SLC24A1: variants seen among roughly 807,000 people sequenced by gnomAD.
SLC24A1 encodes solute carrier family 24 member 1, also known as sodium/potassium/calcium exchanger 1.
A neutral mutation model predicts 88.1 loss-of-function variants in SLC24A1; 52 were observed. That is an observed-to-expected ratio of 0.59 (90% CI 0.47 to 0.74). The LOEUF is 0.74. Ranked by LOEUF, SLC24A1 falls within the 30% of genes least tolerant of loss-of-function variation. The pLI is 0.00. For missense variants in SLC24A1, 1,173 were observed against 1,363.3 expected, an observed-to-expected ratio of 0.86 and a Z score of 2.20; for synonymous variants, 455 against 498.0, an observed-to-expected ratio of 0.91 and a Z score of 1.15.
chr15:65,625,154 A>C lies in SLC24A1; in HGVS notation c.1074A>C (p.Lys358Asn). ...PSPRTSVSAI[K>N]TAPAIVWRLA... is the part of the protein sequence containing the mutation. Reference sequence around the variant, plus strand: ...CCAGGACCAGTGTATCAGCCATCAAAACAGCCCCAGCCATAGTCTGGAGGC... The same window carrying C: ...CCAGGACCAGTGTATCAGCCATCAACACAGCCCCAGCCATAGTCTGGAGGC... Residue 358 changes from lysine to asparagine, a missense_variant, in exon 2 of 10, where the codon AAA (lysine) becomes AAC (asparagine). Physicochemically the swap from Lys to Asn is moderately conservative, Grantham distance 94. Transcript: ENST00000261892. 6.2e-7 allele frequency: 1 copy of C among 1,613,792 alleles called. No homozygotes were observed. Among genetic ancestry groups the C allele is most frequent in the Non-Finnish European group, 8.5e-7 (1 of 1,179,878 alleles).
intron 6 of SLC24A1, among the ~76,000 whole-genome samples, chr15:65,649,420 G>T (rs1352481158): frequency 6.6e-6 from 1 of 152,138 alleles, no homozygotes; most frequent in Non-Finnish European, 1.5e-5. Context: ...TTTCTAATAA[G>T]CTCCTCAGGC....
intron 7 of SLC24A1, 59 bp downstream of exon 7, chr15:65,651,001 C>A: frequency 6.9e-7 from 1 of 1,440,032 alleles, no homozygotes; most frequent in South Asian, 1.1e-5. Flanking sequence ...TGGGGTCTCT[C>A]GGCATGCGGG....
intron 2 of SLC24A1, among the ~76,000 whole-genome samples, chr15:65,636,709 C>T (rs756267285): frequency 2.2e-4 from 33 of 151,998 alleles, no homozygotes; most frequent in Admixed American, 6.6e-4. Context: ...AACCCCATCT[C>T]TACTAAAAAT....
chr15:65,630,116 A>G (rs1202532699), intron 2 of SLC24A1, among the ~76,000 whole-genome samples: 13 of 152,048 alleles, frequency 8.5e-5, no homozygotes, highest in African/African-American at 3.1e-4. Context: ...TGTGCATGCC[A>G]CCACACCCAG....
Position 65,647,182 on chromosome 15 carries a change from AAGAG to A in SLC24A1, c.2232+1485_2232+1488del, listed in dbSNP as rs375652751. Among the ~76,000 whole-genome samples, 163 of 152,268 alleles carry A rather than the reference AAGAG, an allele frequency of 1.1e-3. 1 individual carries two copies. Among genetic ancestry groups the A allele is most frequent in the African/African-American group, 3.6e-3 (151 of 41,534 alleles). ...ATCAGTGACTGGTTTCCAGTCTTAA[AAGAG>A]AGAGAATCGGGCCGGGTGTTGTGGC... is the stretch of plus-strand genomic sequence containing the variant. On this transcript the variant is annotated intron_variant, in intron 6 of 9. Transcript: ENST00000261892.
rs886051360 is a variant in SLC24A1 at position 65,656,162 on chromosome 15, C to T, written c.*2083C>T. On this transcript the variant is annotated 3_prime_UTR_variant, in exon 10 of 10. Coordinates refer to ENST00000261892, the MANE Select transcript of SLC24A1 (RefSeq NM_004727.3). ...CCACAGCCTGGGATCTGACGTTCTT[C>T]CTCAGACTGGAGTAAGGAGTGATGG... The T allele has an allele frequency of 1.3e-4, 127 of 985,270 alleles. No individual in the cohort carries two copies. The highest frequency in any genetic ancestry group is 1.8e-4 in the Admixed American group (3 of 16,266). 61.0% of individuals were successfully genotyped at this position (985,270 alleles called of 1,614,324 possible).
chr15:65,620,447 A>C (rs1368982097), upstream of SLC24A1, among the ~76,000 whole-genome samples: 1 of 152,230 alleles, frequency 6.6e-6, no homozygotes, highest in Non-Finnish European at 1.5e-5. Flanking sequence ...TGTCATTATC[A>C]TCCTCATTTT....
chr15:65,642,661 C>A (rs1031237266), intron 4 of SLC24A1, among the ~76,000 whole-genome samples: 2 of 152,202 alleles, frequency 1.3e-5, no homozygotes, highest in African/African-American at 2.4e-5. Context: ...GTTGGCCCCC[C>A]ACCTCTCAGT....
intron 6 of SLC24A1, among the ~76,000 whole-genome samples, chr15:65,648,409 A>G (rs1473686175): frequency 6.6e-6 from 1 of 152,182 alleles, no homozygotes; most frequent in Non-Finnish European, 1.5e-5. Context: ...TGCTCAAGGG[A>G]TGGACCAGCA....
Position 65,655,603 on chromosome 15 carries a change from G to A in SLC24A1, c.*1524G>A. ...TATCACTGGCTTCAGAGCAAAATGA[G>A]CTCGGGTGACTGCAGATTATGATGG... On this transcript the variant is annotated 3_prime_UTR_variant, in exon 10 of 10. Coordinates refer to ENST00000261892, the MANE Select transcript of SLC24A1 (RefSeq NM_004727.3). 1.0e-6 allele frequency: 1 copy of A among 985,344 alleles called. No homozygotes were observed. The highest frequency in any genetic ancestry group is 1.2e-6 in the Non-Finnish European group (1 of 829,904). 61.0% of individuals were successfully genotyped at this position (985,344 alleles called of 1,614,324 possible).
chr15:65,655,717 T>G lies in SLC24A1; in HGVS notation c.*1638T>G. The G allele has an allele frequency of 1.0e-6, 1 of 985,394 alleles. No homozygotes were observed. The allele number at this position is 985,394 out of a possible 1,614,324, so 61.0% of individuals were successfully genotyped here. Reference sequence around the variant, plus strand: ...GTGATATGAAAAAAACCCAAACATTTTGGCATTGAATGATGGCTAAGGTGT... The same window carrying G: ...GTGATATGAAAAAAACCCAAACATTGTGGCATTGAATGATGGCTAAGGTGT... On this transcript the variant is annotated 3_prime_UTR_variant, in exon 10 of 10. Coordinates refer to ENST00000261892, the MANE Select transcript of SLC24A1 (RefSeq NM_004727.3).
At chr15:65,627,219 G>C (rs2074550137) in intron 2 of SLC24A1, among the ~76,000 whole-genome samples, 1 of 152,212 alleles carries the variant, frequency 6.6e-6, no homozygotes, top group South Asian at 2.1e-4. Flanking sequence ...TGCCTCTAAT[G>C]AATTGTGTGA....
chr15:65,615,126 T>G (rs912793217), intron 2 of SLC24A1, among the ~76,000 whole-genome samples: 1 of 152,160 alleles, frequency 6.6e-6, no homozygotes, highest in African/African-American at 2.4e-5. Flanking sequence ...GGCAGGAGGA[T>G]TGTTTGAGCC....
chr15:65,651,354 G>T (rs1442947408), intron 7 of SLC24A1, among the ~76,000 whole-genome samples: 1 of 152,126 alleles, frequency 6.6e-6, no homozygotes, highest in East Asian at 1.9e-4. Context: ...GAAAGGAATG[G>T]TACAAGGAGG....
In SLC24A1 at chr15:65,644,601, C is replaced by G. The variant is rs532644734; in HGVS notation, c.2140+88C>G. ...GCTTGGCCTGGAGGCAGCAGCCAGC[C>G]AGGCCAGGGGCTGAGGCACATCTTT... On this transcript the variant is annotated intron_variant, in intron 5 of 9. Coordinates refer to ENST00000261892, the MANE Select transcript of SLC24A1 (RefSeq NM_004727.3). 5.2e-4 allele frequency: 462 copies of G among 890,846 alleles called. 4 individuals carry two copies. Among genetic ancestry groups the G allele is most frequent in the South Asian group, 4.3e-3 (289 of 66,782 alleles). The allele number at this position is 890,846 out of a possible 1,614,324, so 55.2% of individuals were successfully genotyped here.
In SLC24A1 at chr15:65,624,148, G is replaced by C; in HGVS notation, c.68G>C (p.Ser23Thr). 2 of 1,613,616 alleles carry C rather than the reference G, an allele frequency of 1.2e-6. No homozygotes were observed. Among genetic ancestry groups the C allele is most frequent in the Non-Finnish European group, 1.7e-6 (2 of 1,179,780 alleles). The change falls in exon 2 of 10, where the codon AGT becomes ACT. Residue 23 changes from serine to threonine, a missense_variant. Transcript: ENST00000261892. ...WLLRTKRLHW[S>T]RLLFLLGMLI... is the part of the protein sequence containing the mutation. ...CTCCGGACAAAGCGGCTTCATTGGA[G>C]TCGCCTCCTCTTCTTACTGGGAATG...
rs1047828834 is a variant in SLC24A1 at position 65,655,601 on chromosome 15, G to T, written c.*1522G>T. On this transcript the variant is annotated 3_prime_UTR_variant, in exon 10 of 10. Coordinates refer to ENST00000261892, the MANE Select transcript of SLC24A1 (RefSeq NM_004727.3). ...AATATCACTGGCTTCAGAGCAAAAT[G>T]AGCTCGGGTGACTGCAGATTATGAT... 7 of 985,208 alleles carry T rather than the reference G, an allele frequency of 7.1e-6. No individual in the cohort carries two copies. The African/African-American group carries it at 1.2e-4, about 17-fold the overall frequency. 61.0% of individuals were successfully genotyped at this position (985,208 alleles called of 1,614,324 possible).
intron 4 of SLC24A1, among the ~76,000 whole-genome samples, chr15:65,641,524 A>G (rs573435002): frequency 3.3e-4 from 50 of 152,334 alleles, no homozygotes; most frequent in African/African-American, 1.2e-3. Context: ...GCTGTTAGGA[A>G]AAAAAGAGAG....
Position 65,654,824 on chromosome 15 carries a change from GC to G in SLC24A1, c.*747del. ...CGGTTCAAGCAATTCTCCTGCCTCA[GC>G]CTGAAGTCGTGATCTGCCCGCCTCG... On this transcript the variant is annotated 3_prime_UTR_variant, in exon 10 of 10. Transcript: ENST00000261892. 9.5e-7 allele frequency: 1 copy of G among 1,048,650 alleles called. No homozygotes were observed. The highest frequency in any genetic ancestry group is 1.3e-6 in the Non-Finnish European group (1 of 796,130). 65.0% of individuals were successfully genotyped at this position (1,048,650 alleles called of 1,614,324 possible).
Sources: gnomAD v4.1 joint callset for allele counts (sites outside exome capture counted in the v4.1 genomes callset) on GRCh38, gnomAD v4.1.1 for gene constraint, MANE v1.5 for transcripts, NCBI Gene and HGNC (gene_info 2026-07-23, HGNC 2026-07-21) for gene names.